TBC1D19: variants seen among roughly 807,000 people sequenced by gnomAD.
The protein encoded by TBC1D19 is TBC1 domain family, member 19.
A neutral mutation model predicts 89.0 loss-of-function variants in TBC1D19; 60 were observed. That is an observed-to-expected ratio of 0.67 (90% CI 0.55 to 0.84). The LOEUF is 0.84. Among genes scored for constraint, TBC1D19 ranks in the 40% least tolerant of loss-of-function variants. TBC1D19 has a pLI of 0.00. For synonymous variants in TBC1D19, 189 were observed against 199.7 expected (o/e 0.95, Z 0.45); for missense variants, 500 against 610.8 (o/e 0.82, Z 1.91).
At chr4:26,772,055 A>G in the TBC1D19 span, among the ~76,000 whole-genome samples, 1 of 152,176 alleles carries the variant, frequency 6.6e-6, no homozygotes, top group African/African-American at 2.4e-5. Context: ...GAGAGATAAT[A>G]TAACTGCAGG....
At chr4:26,745,199 A>T (rs1312247060) in intron 18 of TBC1D19, among the ~76,000 whole-genome samples, 1 of 151,792 alleles carries the variant, frequency 6.6e-6, no homozygotes, top group East Asian at 1.9e-4. Flanking sequence ...TAACATATTG[A>T]TTATCAATAT....
chr4:26,608,039 A>G (rs1184339893), intron 1 of TBC1D19, among the ~76,000 whole-genome samples: 1 of 152,354 alleles, frequency 6.6e-6, no homozygotes, highest in East Asian at 1.9e-4. Flanking sequence ...AACTTGTCAT[A>G]CCACATCATG....
At chr4:26,620,746 A>G in intron 4 of TBC1D19, 58 bp downstream of exon 4, 1 of 1,478,076 alleles carries the variant, frequency 6.8e-7, no homozygotes, top group Non-Finnish European at 9.4e-7. Flanking sequence ...AATACAGAGC[A>G]AAAGATCATT....
rs757990954 is a variant in TBC1D19, at chr4:26,683,670, T to C, written c.817-5T>C. 4.4e-6 allele frequency: 7 copies of C among 1,607,218 alleles called. No individual in the cohort carries two copies. In the South Asian group the frequency reaches 7.8e-5, roughly 18 times the overall value. Reference sequence around the variant, plus strand: ...TTAATTTTTTTGTTTTACTTTTAAATTTAGGATGTCTTGTATTATGAGCAG... The same window carrying C: ...TTAATTTTTTTGTTTTACTTTTAAACTTAGGATGTCTTGTATTATGAGCAG... On this transcript the variant is annotated splice_region_variant and splice_polypyrimidine_tract_variant and intron_variant, in intron 11 of 20. Transcript: ENST00000264866.
At chr4:26,749,945 C>A (rs1157266039) in intron 19 of TBC1D19, among the ~76,000 whole-genome samples, 1 of 152,102 alleles carries the variant, frequency 6.6e-6, no homozygotes, top group East Asian at 1.9e-4. Flanking sequence ...TTTCTTTTGG[C>A]TGAATGGCAG....
Position 26,743,564 on chromosome 4 carries a change from A to T in TBC1D19, c.1319+965A>T, listed in dbSNP as rs79180739. On this transcript the variant is annotated intron_variant, in intron 18 of 20. Transcript: ENST00000264866. ...CAAGATTGACTGATTATAAAGATGG[A>T]GATAACAATCAAGATGGAGATAGAG... Among the ~76,000 whole-genome samples, 859 of 152,182 alleles carry T rather than the reference A, an allele frequency of 5.6e-3. 8 individuals carry two copies. The highest frequency in any genetic ancestry group is 0.02 in the African/African-American group (821 of 41,576).
chr4:26,591,550 C>T (rs1300786049), intron 1 of TBC1D19, among the ~76,000 whole-genome samples: 1 of 152,066 alleles, frequency 6.6e-6, no homozygotes, highest in Non-Finnish European at 1.5e-5. Flanking sequence ...AATCCAGGAA[C>T]TGGTTTTTTG....
At chr4:26,632,709 G>T (rs1350974392) in intron 4 of TBC1D19, among the ~76,000 whole-genome samples, 1 of 151,966 alleles carries the variant, frequency 6.6e-6, no homozygotes, top group Admixed American at 6.6e-5. Flanking sequence ...ATTTCTATAT[G>T]GTTCCAGTCC....
chr4:26,805,197 A>T, the TBC1D19 span, among the ~76,000 whole-genome samples: 32 of 152,336 alleles, frequency 2.1e-4, no homozygotes, highest in African/African-American at 6.7e-4. Flanking sequence ...TCCATAAAGG[A>T]AGTGCTTAGT....
intron 7 of TBC1D19, among the ~76,000 whole-genome samples, chr4:26,657,772 A>G (rs1165483398): frequency 2.6e-5 from 4 of 152,036 alleles, no homozygotes; most frequent in Admixed American, 6.6e-5. Flanking sequence ...TTTAATGTTC[A>G]CCATTCTAAC....
the TBC1D19 span, among the ~76,000 whole-genome samples, chr4:26,830,920 T>C: frequency 2.0e-5 from 3 of 152,360 alleles, no homozygotes; most frequent in South Asian, 6.2e-4. Flanking sequence ...GAAGTGTATA[T>C]GCCCATTTTT....
At chr4:26,667,196 T>G (rs1490798890) in intron 9 of TBC1D19, among the ~76,000 whole-genome samples, 1 of 152,094 alleles carries the variant, frequency 6.6e-6, no homozygotes, top group Non-Finnish European at 1.5e-5. Context: ...CTCAGCAACT[T>G]TATATGGTAT....
At chr4:26,668,825 T>C (rs1173622330) in intron 9 of TBC1D19, among the ~76,000 whole-genome samples, 3 of 151,928 alleles carry the variant, frequency 2.0e-5, no homozygotes, top group Admixed American at 6.6e-5. Context: ...TCAATTATTA[T>C]ATTTGAAATG....
At chr4:26,731,300 C>T (rs1178347660) in intron 15 of TBC1D19, among the ~76,000 whole-genome samples, 2 of 151,988 alleles carry the variant, frequency 1.3e-5, no homozygotes, top group African/African-American at 2.4e-5. Context: ...TGCCTATAGC[C>T]CTTGTCTTGC....
At chr4:26,736,519 A>C (rs1168656136) in intron 16 of TBC1D19, among the ~76,000 whole-genome samples, 1 of 152,014 alleles carries the variant, frequency 6.6e-6, no homozygotes, top group African/African-American at 2.4e-5. Flanking sequence ...CAATGTGCAC[A>C]TGTACCCTAA....
chr4:26,620,073 C>G (rs1304506465), intron 3 of TBC1D19, among the ~76,000 whole-genome samples: 1 of 152,188 alleles, frequency 6.6e-6, no homozygotes, highest in African/African-American at 2.4e-5. Context: ...TCATACCACT[C>G]TGCACTTCAG....
chr4:26,659,378 T>C (rs756971686), intron 7 of TBC1D19, among the ~76,000 whole-genome samples: 3 of 152,156 alleles, frequency 2.0e-5, no homozygotes, highest in Non-Finnish European at 2.9e-5. Flanking sequence ...TGTAGATCAT[T>C]CATTGGAATA....
At chr4:26,680,758 T>C (rs916059083) in intron 11 of TBC1D19, among the ~76,000 whole-genome samples, 1 of 152,224 alleles carries the variant, frequency 6.6e-6, no homozygotes, top group African/African-American at 2.4e-5. Context: ...TATTTGATCC[T>C]TGAAATATTC....
chr4:26,614,574 G>A lies in TBC1D19; in HGVS notation c.218+121G>A, dbSNP rs561878658. On this transcript the variant is annotated intron_variant, in intron 3 of 20. Coordinates refer to ENST00000264866, the MANE Select transcript of TBC1D19 (RefSeq NM_018317.4). ...ATTATTTATCATTAATATTTATACA[G>A]CATTTCAAGTAAGTTGATACAATTA... 2.7e-5 allele frequency: 15 copies of A among 545,976 alleles called. No homozygotes were observed. The East Asian group carries it at 4.5e-4, about 16-fold the overall frequency. The allele number at this position is 545,976 out of a possible 1,614,324, so 33.8% of individuals were successfully genotyped here.
Sources: allele counts gnomAD v4.1 joint callset (sites outside exome capture counted in the v4.1 genomes callset), GRCh38; gene constraint gnomAD v4.1.1; transcripts MANE v1.5; gene names NCBI Gene and HGNC (gene_info 2026-07-23, HGNC 2026-07-21).